The following SANBR variants were observed in gnomAD, a reference collection of about 807,000 sequenced individuals.
SANBR encodes SANT and BTB domain regulator of class switch recombination.
Under a neutral mutation model 101.8 loss-of-function variants are expected in SANBR, and 77 were observed. The ratio of observed to expected loss-of-function variants is 0.76; its 90% CI spans 0.63 to 0.91. The LOEUF (loss-of-function observed/expected upper bound fraction) is 0.91, where lower values mean the gene tolerates loss of function less well. SANBR is among the 40% of genes least tolerant of loss of function. SANBR has a pLI of 0.00. For missense variants in SANBR, 875 were observed against 853.0 expected, an observed-to-expected ratio of 1.03 and a Z score of -0.32; for synonymous variants, 279 against 274.7, an observed-to-expected ratio of 1.02 and a Z score of -0.15.
intron 16 of SANBR, among the ~76,000 whole-genome samples, chr2:61,109,622 A>T (rs1038089995): frequency 6.6e-5 from 10 of 151,828 alleles, no homozygotes; most frequent in African/African-American, 2.4e-4. Flanking sequence ...GAACCATTAA[A>T]TAACATTCAT....
At chr2:61,080,912 C>T (rs556662834) in intron 6 of SANBR, among the ~76,000 whole-genome samples, 1 of 152,258 alleles carries the variant, frequency 6.6e-6, no homozygotes, top group South Asian at 2.1e-4. Flanking sequence ...GTTTGCTAAA[C>T]TACAGCATCA....
In SANBR at chr2:61,088,173, A is replaced by G; in HGVS notation, c.905A>G (p.Lys302Arg). 1 of 1,602,070 alleles carries G rather than the reference A, an allele frequency of 6.2e-7. No individual in the cohort carries two copies. Among genetic ancestry groups the G allele is most frequent in the Non-Finnish European group, 8.5e-7 (1 of 1,176,092 alleles). The change falls in exon 9 of 22, where the codon AAG becomes AGG. Residue 302 changes from lysine to arginine, a missense_variant. Coordinates refer to ENST00000402291, the MANE Select transcript of SANBR (RefSeq NM_001129993.3). ...GTTGTTAATAGCAAACTTTTTTGTA[A>G]GAAGATTGAAAGACTGTTTGATCCT... ...KDKFKSKLFC[K>R]KIERLFDPEY...
At chr2:61,093,968 T>C (rs1052652533) in intron 11 of SANBR, 1 of 284,522 alleles carries the variant, frequency 3.5e-6, no homozygotes, top group Non-Finnish European at 5.3e-6. Flanking sequence ...ACAAATAATT[T>C]CTTTTGAATC....
chr2:61,122,754 C>T lies in SANBR; in HGVS notation c.*592C>T, dbSNP rs905659348. On this transcript the variant is annotated 3_prime_UTR_variant, in exon 22 of 22. Transcript: ENST00000402291. Reference sequence around the variant, plus strand: ...GGGTTAATTTTTTTCAGCATTATATCGTGGAAAGTACAATGTTAATCCAAC... The same window carrying T: ...GGGTTAATTTTTTTCAGCATTATATTGTGGAAAGTACAATGTTAATCCAAC... 8.1e-6 allele frequency: 8 copies of T among 984,822 alleles called. No individual in the cohort carries two copies. Among genetic ancestry groups the T allele is most frequent in the East Asian group, 1.1e-4 (1 of 8,970 alleles). The allele number at this position is 984,822 out of a possible 1,614,324, so 61.0% of individuals were successfully genotyped here.
intron 1 of SANBR, among the ~76,000 whole-genome samples, chr2:61,067,458 C>T (rs1369850103): frequency 6.6e-6 from 1 of 152,192 alleles, no homozygotes; most frequent in East Asian, 1.9e-4. Flanking sequence ...AACGCCCTGG[C>T]CGGGTGCAGT....
intron 20 of SANBR, among the ~76,000 whole-genome samples, chr2:61,130,542 A>T (rs1014085751): frequency 6.6e-6 from 1 of 152,200 alleles, no homozygotes; most frequent in African/African-American, 2.4e-5. Context: ...ATCCAGCAAC[A>T]TACAAAAATA....
At chr2:61,101,614 T>C (rs1289816467) in intron 12 of SANBR, among the ~76,000 whole-genome samples, 1 of 152,030 alleles carries the variant, frequency 6.6e-6, no homozygotes. Flanking sequence ...GCGCCTATAG[T>C]TCCAGCTACT....
chr2:61,108,522 C>T (rs1683678622), intron 15 of SANBR, among the ~76,000 whole-genome samples, 173 bp downstream of exon 15: 1 of 152,172 alleles, frequency 6.6e-6, no homozygotes, highest in South Asian at 2.1e-4. Flanking sequence ...TTATTTAAGA[C>T]AGACTCATAT....
chr2:61,132,730 A>C lies in SANBR; in HGVS notation c.2029-1407A>C, dbSNP rs561324201. ...AAATGTTCATAGCAACACTATTCAC[A>C]ATAGCCAAAATGTGGAAACAACCCA... On this transcript the variant is annotated intron_variant, in intron 20 of 21. Coordinates refer to the SANBR transcript ENST00000295031. 5.3e-5 allele frequency among the ~76,000 whole-genome samples: 8 copies of C among 152,354 alleles called. No individual in the cohort carries two copies. In the South Asian group the frequency reaches 1.7e-3, roughly 32 times the overall value.
intron 6 of SANBR, among the ~76,000 whole-genome samples, chr2:61,078,621 C>T (rs962921131): frequency 6.6e-6 from 1 of 151,664 alleles, no homozygotes; most frequent in African/African-American, 2.4e-5. Flanking sequence ...AGGGTTTTGC[C>T]TTGTTTGTCA....
intron 20 of SANBR, among the ~76,000 whole-genome samples, chr2:61,120,040 A>G (rs748668857): frequency 1.3e-5 from 2 of 152,234 alleles, no homozygotes; most frequent in African/African-American, 4.8e-5. Context: ...TAGAAATGCA[A>G]AAAGGAATGG....
intron 16 of SANBR, among the ~76,000 whole-genome samples, chr2:61,113,737 T>G (rs1683944861): frequency 6.6e-6 from 1 of 152,214 alleles, no homozygotes; most frequent in Non-Finnish European, 1.5e-5. Context: ...TGTATACCTT[T>G]TATTTATATG....
intron 12 of SANBR, among the ~76,000 whole-genome samples, chr2:61,102,974 C>T (rs949916346): frequency 2.0e-5 from 3 of 152,074 alleles, no homozygotes; most frequent in South Asian, 2.1e-4. Context: ...AAAGAATGTT[C>T]ATAGTAATAT....
chr2:61,109,686 T>G (rs1252553841), intron 16 of SANBR, among the ~76,000 whole-genome samples: 4 of 147,970 alleles, frequency 2.7e-5, no homozygotes, highest in African/African-American at 7.5e-5. Flanking sequence ...TGTTTGTTTT[T>G]TTTTTTTTTT....
intron 15 of SANBR, among the ~76,000 whole-genome samples, chr2:61,108,680 T>C (rs563236138): frequency 6.6e-6 from 1 of 151,826 alleles, no homozygotes; most frequent in South Asian, 2.1e-4. Flanking sequence ...TTTTTTTTTT[T>C]ACCTGTTTGC....
Position 61,088,417 on chromosome 2 carries a change from C to T in SANBR, c.1037C>T (p.Pro346Leu). Reference sequence around the variant, plus strand: ...ACAGAAAGAAGAATTCCTTGCATTCCTGGAAAAATCAATGTGGATCGACGT... The same window carrying T: ...ACAGAAAGAAGAATTCCTTGCATTCTTGGAAAAATCAATGTGGATCGACGT... ...KETERRIPCI[P>L]GKINVDRRGN... The change falls in exon 10 of 22, where the codon CCT (proline) becomes CTT (leucine). Residue 346 changes from proline to leucine, a missense_variant. Pro to Leu is a moderately conservative substitution (Grantham distance 98). Coordinates refer to ENST00000402291, the MANE Select transcript of SANBR (RefSeq NM_001129993.3). 1 of 1,608,654 alleles carries T rather than the reference C, an allele frequency of 6.2e-7. No homozygotes were observed. Among genetic ancestry groups the T allele is most frequent in the East Asian group, 2.2e-5 (1 of 44,684 alleles).
chr2:61,076,717 G>A (rs759712319), intron 5 of SANBR, among the ~76,000 whole-genome samples: 7 of 151,694 alleles, frequency 4.6e-5, no homozygotes, highest in Admixed American at 6.6e-5. Flanking sequence ...GTTTTATTAC[G>A]TCAGTAATTT....
chr2:61,103,862 G>C lies in SANBR; in HGVS notation c.1375G>C (p.Val459Leu). 1 of 1,614,176 alleles carries C rather than the reference G, an allele frequency of 6.2e-7. No individual in the cohort carries two copies. Among genetic ancestry groups the C allele is most frequent in the Non-Finnish European group, 8.5e-7 (1 of 1,179,996 alleles). ...DPTQLTKGCK[V>L]RDHMVTLRDQ... Reference sequence around the variant, plus strand: ...GTCTCTTATGTGACAGGGCTGTAAAGTGAGGGACCACATGGTTACACTTCG... The same window carrying C: ...GTCTCTTATGTGACAGGGCTGTAAACTGAGGGACCACATGGTTACACTTCG... Residue 459 changes from valine to leucine, a missense_variant, in exon 13 of 22, where the codon GTG becomes CTG. Coordinates refer to ENST00000402291, the MANE Select transcript of SANBR (RefSeq NM_001129993.3).
chr2:61,129,185 T>C (rs1684606476), downstream of SANBR, among the ~76,000 whole-genome samples: 1 of 152,148 alleles, frequency 6.6e-6, no homozygotes, highest in African/African-American at 2.4e-5. Context: ...GGCTCACACC[T>C]GTAATCCCAG....
Sources: allele counts gnomAD v4.1 joint callset (sites outside exome capture counted in the v4.1 genomes callset), GRCh38; gene constraint gnomAD v4.1.1; transcripts MANE v1.5; gene names NCBI Gene and HGNC (gene_info 2026-07-23, HGNC 2026-07-21).